NTM: variants seen among roughly 807,000 people sequenced by gnomAD.
NTM encodes the protein neurotrimin, also known as IgLON family member 2.
NTM carries 13 observed loss-of-function variants against 42.1 expected under a neutral mutation model. The observed-to-expected ratio is 0.31, with a 90% confidence interval of 0.20 to 0.49. The LOEUF is 0.49. Among genes scored for constraint, NTM ranks in the 20% least tolerant of loss-of-function variants. The probability of loss-of-function intolerance (pLI) is 0.99; values close to 1 mark genes in which losing one functional copy is unlikely to be tolerated. For synonymous variants in NTM, 187 were observed against 179.2 expected (o/e 1.04, Z -0.35); for missense variants, 373 against 452.8 (o/e 0.82, Z 1.60).
chr11:132,143,614 C>A (rs984131894), intron 2 of NTM, among the ~76,000 whole-genome samples: 2 of 152,118 alleles, frequency 1.3e-5, no homozygotes, highest in Non-Finnish European at 2.9e-5. Context: ...ACATAGTGGG[C>A]TCATGTAGTC....
intron 2 of NTM, among the ~76,000 whole-genome samples, chr11:132,109,153 T>C (rs2062825486): frequency 6.6e-6 from 1 of 152,048 alleles, no homozygotes; most frequent in African/African-American, 2.4e-5. Flanking sequence ...TGAACAGTGC[T>C]GCAATAAACA....
At chr11:131,963,494 A>C (rs1298992097) in intron 2 of NTM, among the ~76,000 whole-genome samples, 1 of 152,252 alleles carries the variant, frequency 6.6e-6, no homozygotes, top group African/African-American at 2.4e-5. Context: ...ATGAAAAGAT[A>C]GGTCCTCTTC....
intron 2 of NTM, among the ~76,000 whole-genome samples, chr11:131,926,516 G>A (rs552704205): frequency 3.7e-4 from 57 of 152,166 alleles, no homozygotes; most frequent in Admixed American, 1.1e-3. Flanking sequence ...AGTCAAAGAC[G>A]AGCAAGGCAA....
At chr11:131,439,959 T>TA (rs397803230) in intron 1 of NTM, among the ~76,000 whole-genome samples, 3 of 151,270 alleles carry the variant, frequency 2.0e-5, no homozygotes, top group Non-Finnish European at 4.4e-5. Flanking sequence ...TTTTTTTTTT[T>TA]AACTACTCTC....
At chr11:131,713,023 C>A (rs1198347778) in intron 1 of NTM, among the ~76,000 whole-genome samples, 1 of 152,104 alleles carries the variant, frequency 6.6e-6, no homozygotes. Context: ...AGGTTGCAGG[C>A]CTGCTCATGG....
intron 1 of NTM, among the ~76,000 whole-genome samples, chr11:131,910,291 GTTAA>G (rs1328125937): frequency 2.0e-5 from 3 of 152,194 alleles, no homozygotes; most frequent in Non-Finnish European, 2.9e-5. Flanking sequence ...TCCTTTCCCA[GTTAA>G]TTAGTTTGTG....
chr11:131,615,275 A>T (rs887238243), intron 1 of NTM, among the ~76,000 whole-genome samples: 2 of 152,172 alleles, frequency 1.3e-5, no homozygotes, highest in African/African-American at 4.8e-5. Context: ...GAGATGTCAC[A>T]GTATCTGCAT....
chr11:131,480,372 C>A (rs1417807282), intron 1 of NTM, among the ~76,000 whole-genome samples: 1 of 152,068 alleles, frequency 6.6e-6, no homozygotes, highest in Non-Finnish European at 1.5e-5. Context: ...TTTCCTCTAC[C>A]CACCAAAAGC....
chr11:132,013,919 G>T (rs1207131349), intron 2 of NTM, among the ~76,000 whole-genome samples: 1 of 152,046 alleles, frequency 6.6e-6, no homozygotes, highest in Non-Finnish European at 1.5e-5. Context: ...ATTTCGAAAT[G>T]TACAGTACAT....
chr11:131,440,564 A>C (rs1949530891), intron 1 of NTM, among the ~76,000 whole-genome samples: 1 of 151,926 alleles, frequency 6.6e-6, no homozygotes, highest in African/African-American at 2.4e-5. Context: ...GCCCCTTCAC[A>C]CTTTCTGATT....
chr11:131,551,527 T>G (rs945285474), intron 1 of NTM, among the ~76,000 whole-genome samples: 1 of 152,124 alleles, frequency 6.6e-6, no homozygotes, highest in Non-Finnish European at 1.5e-5. Flanking sequence ...GCCTTGCAGC[T>G]GAAAACCCAA....
chr11:132,266,231 A>G (rs2093176083), intron 4 of NTM, among the ~76,000 whole-genome samples: 1 of 152,132 alleles, frequency 6.6e-6, no homozygotes, highest in Non-Finnish European at 1.5e-5. Context: ...AGCCTACAGC[A>G]AGGGGCATTA....
chr11:131,906,387 A>G (rs1021148487), intron 1 of NTM, among the ~76,000 whole-genome samples: 2 of 152,150 alleles, frequency 1.3e-5, no homozygotes, highest in African/African-American at 4.8e-5. Context: ...TGGCCAGTTT[A>G]TAAACTTTAT....
intron 1 of NTM, among the ~76,000 whole-genome samples, chr11:131,865,561 T>C (rs1375694646): frequency 1.3e-5 from 2 of 152,166 alleles, no homozygotes; most frequent in African/African-American, 4.8e-5. Context: ...AGATTCTTAG[T>C]ACAGTTGCAT....
At chr11:131,980,362 T>G (rs1283725543) in intron 2 of NTM, among the ~76,000 whole-genome samples, 2 of 152,216 alleles carry the variant, frequency 1.3e-5, no homozygotes, top group African/African-American at 4.8e-5. Context: ...TGGTTGTGAT[T>G]ATCCCATTGG....
intron 1 of NTM, chr11:131,769,670 C>T (rs971803824): frequency 1.9e-5 from 13 of 680,788 alleles, no homozygotes; most frequent in Middle Eastern, 1.5e-3. Flanking sequence ...ACGAGGCAAC[C>T]GGGAGATTCA....
intron 2 of NTM, among the ~76,000 whole-genome samples, chr11:132,013,833 G>A (rs138569508): frequency 7.2e-5 from 11 of 152,138 alleles, no homozygotes; most frequent in African/African-American, 2.6e-4. Flanking sequence ...ATCAAGTTGG[G>A]GGGTTTAGGA....
intron 1 of NTM, among the ~76,000 whole-genome samples, chr11:131,521,383 CTTTTTTTTTTTTTTTTT>C (rs773233050): frequency 5.2e-4 from 24 of 45,754 alleles, no homozygotes; most frequent in Middle Eastern, 0.025. Flanking sequence ...AGGTGCCAGT[CTTTTTTTTTTTTTTTTT>C]TTTTTTTTTT....
At chr11:131,941,610 CA>C (rs1333827897) in intron 2 of NTM, among the ~76,000 whole-genome samples, 1 of 152,094 alleles carries the variant, frequency 6.6e-6, no homozygotes, top group Non-Finnish European at 1.5e-5. Flanking sequence ...CACTGTGGAA[CA>C]AAAACAGGGT....
Sources: allele counts gnomAD v4.1 joint callset (sites outside exome capture counted in the v4.1 genomes callset), GRCh38; gene constraint gnomAD v4.1.1; transcripts MANE v1.5; gene names NCBI Gene and HGNC (gene_info 2026-07-23, HGNC 2026-07-21).